KCNN2: variants seen among roughly 807,000 people sequenced by gnomAD.
KCNN2 encodes potassium calcium-activated channel subfamily N member 2.
Under a neutral mutation model 55.5 loss-of-function variants are expected in KCNN2, and 24 were observed. The observed-to-expected ratio is 0.43, with a 90% CI of 0.31 to 0.61. KCNN2 has a LOEUF of 0.61. Ranked by LOEUF, KCNN2 falls within the 20% of genes least tolerant of loss-of-function variation. KCNN2 has a pLI of 0.08. For missense variants in KCNN2, 754 were observed against 853.6 expected, an observed-to-expected ratio of 0.88 and a Z score of 1.45; for synonymous variants, 431 against 336.1, an observed-to-expected ratio of 1.28 and a Z score of -3.09.
intron 3 of KCNN2, among the ~76,000 whole-genome samples, chr5:114,450,429 T>C (rs1318082316): frequency 6.6e-6 from 1 of 152,154 alleles, no homozygotes; most frequent in Non-Finnish European, 1.5e-5. Flanking sequence ...AATGTTTAAA[T>C]ATCCACTGGT....
At chr5:114,207,349 G>C (rs552909720) in intron 1 of KCNN2, among the ~76,000 whole-genome samples, 1 of 152,290 alleles carries the variant, frequency 6.6e-6, no homozygotes, top group East Asian at 1.9e-4. Context: ...CTGAGATGCA[G>C]TCTCCTCATT....
At chr5:114,419,504 G>A (rs1253552152) in intron 3 of KCNN2, among the ~76,000 whole-genome samples, 3 of 152,252 alleles carry the variant, frequency 2.0e-5, no homozygotes, top group African/African-American at 7.2e-5. Flanking sequence ...CTTAAATCTG[G>A]AGGCACCACC....
chr5:114,202,496 AATAT>A (rs10555014), intron 1 of KCNN2, among the ~76,000 whole-genome samples: 100,899 of 139,612 alleles, frequency 0.72, 36,569 homozygotes, highest in South Asian at 0.86. Context: ...CTTCATGCCT[AATAT>A]ATATATATAT....
chr5:114,309,680 A>G (rs1650389661), intron 2 of KCNN2, among the ~76,000 whole-genome samples: 1 of 152,186 alleles, frequency 6.6e-6, no homozygotes, highest in African/African-American at 2.4e-5. Context: ...TAACAGGGAT[A>G]TGGAAAGTGG....
intron 7 of KCNN2, among the ~76,000 whole-genome samples, chr5:114,494,466 G>T (rs1239873188): frequency 6.6e-6 from 1 of 150,770 alleles, no homozygotes; most frequent in Non-Finnish European, 1.5e-5. Flanking sequence ...ATATAAACTG[G>T]ACAGCACACA....
rs369754207 is a variant in KCNN2, at chr5:114,285,209, A to G, written c.-185+63644A>G. On this transcript the variant is annotated intron_variant, in intron 2 of 10. Transcript: ENST00000512097. ...TGAGGCAGGAAAATGGTGTGAACCC[A>G]GGAGACAGAGCTTGCAGTGAGCTGA... Among the ~76,000 whole-genome samples the G allele has an allele frequency of 2.1e-4, 31 of 146,592 alleles. No individual in the cohort carries two copies. The South Asian group carries it at 7.0e-3, about 33-fold the overall frequency.
chr5:114,269,894 G>T (rs1580677450), intron 2 of KCNN2, among the ~76,000 whole-genome samples: 1 of 152,162 alleles, frequency 6.6e-6, no homozygotes, highest in East Asian at 1.9e-4. Flanking sequence ...GAAAGGAAAA[G>T]AATGAAATGG....
intron 1 of KCNN2, among the ~76,000 whole-genome samples, chr5:114,106,498 T>C (rs112343868): frequency 0.047 from 7,072 of 151,972 alleles, 544 homozygotes; most frequent in African/African-American, 0.16. Flanking sequence ...ATAAGAGTTA[T>C]AGTTGCTCCG....
chr5:114,419,353 T>C (rs535442882), intron 3 of KCNN2, among the ~76,000 whole-genome samples: 2 of 152,384 alleles, frequency 1.3e-5, no homozygotes, highest in East Asian at 1.9e-4. Context: ...CCTAGCCTTA[T>C]GCTGAACAAG....
chr5:114,134,339 T>A (rs1393498671), intron 1 of KCNN2, among the ~76,000 whole-genome samples: 1 of 151,628 alleles, frequency 6.6e-6, no homozygotes, highest in African/African-American at 2.4e-5. Flanking sequence ...GAAAACTTTT[T>A]TTTTTCTGGT....
chr5:114,228,738 T>C (rs966393832), intron 2 of KCNN2, among the ~76,000 whole-genome samples: 1 of 152,072 alleles, frequency 6.6e-6, no homozygotes, highest in South Asian at 2.1e-4. Context: ...TTATTAGAAG[T>C]TGAGAAAGTT....
intron 1 of KCNN2, among the ~76,000 whole-genome samples, chr5:114,115,414 A>G (rs886870098): frequency 2.0e-5 from 3 of 152,108 alleles, no homozygotes; most frequent in African/African-American, 7.2e-5. Flanking sequence ...CTGTGGGTTA[A>G]CCACTGGAAA....
intron 1 of KCNN2, among the ~76,000 whole-genome samples, chr5:114,207,334 T>C (rs1394971106): frequency 6.6e-6 from 1 of 152,194 alleles, no homozygotes; most frequent in African/African-American, 2.4e-5. Flanking sequence ...CAAAATCTTA[T>C]CCTTCTGAGA....
chr5:114,280,922 T>C (rs3112744), intron 2 of KCNN2, among the ~76,000 whole-genome samples: 36,559 of 152,070 alleles, frequency 0.24, 4,694 homozygotes, highest in Middle Eastern at 0.3. Flanking sequence ...TTCTCATTCT[T>C]GCCAACCTGA....
intron 3 of KCNN2, among the ~76,000 whole-genome samples, chr5:114,433,092 G>T (rs1218971891): frequency 6.6e-6 from 1 of 152,206 alleles, no homozygotes; most frequent in Non-Finnish European, 1.5e-5. Flanking sequence ...CTGGCAGGCA[G>T]CTCCACCTGC....
intron 1 of KCNN2, among the ~76,000 whole-genome samples, chr5:114,083,798 G>C (rs1750954700): frequency 6.6e-6 from 1 of 152,058 alleles, no homozygotes; most frequent in Non-Finnish European, 1.5e-5. Context: ...TATTACAAAT[G>C]ATAGTTTCAC....
At chr5:114,405,590 A>G (rs868204148) in intron 3 of KCNN2, among the ~76,000 whole-genome samples, 1 of 152,236 alleles carries the variant, frequency 6.6e-6, no homozygotes, top group Non-Finnish European at 1.5e-5. Flanking sequence ...GTACCCTCAC[A>G]TGACCTTGGT....
chr5:114,333,231 T>C (rs963189398), intron 2 of KCNN2, among the ~76,000 whole-genome samples: 17 of 152,318 alleles, frequency 1.1e-4, no homozygotes, highest in Non-Finnish European at 2.4e-4. Flanking sequence ...GGCGGAAACA[T>C]GGCAAACCTG....
chr5:114,142,345 C>T (rs1257085325), intron 1 of KCNN2, among the ~76,000 whole-genome samples: 3 of 152,138 alleles, frequency 2.0e-5, no homozygotes, highest in Non-Finnish European at 4.4e-5. Flanking sequence ...CAGCTTTCTA[C>T]ATATGGCTAG....
Sources: allele counts gnomAD v4.1 joint callset (sites outside exome capture counted in the v4.1 genomes callset), GRCh38; gene constraint gnomAD v4.1.1; transcripts MANE v1.5; gene names NCBI Gene and HGNC (gene_info 2026-07-23, HGNC 2026-07-21).